Variants in CFAP20DC observed in about 807,000 individuals in gnomAD.
The protein encoded by CFAP20DC is CFAP20 domain containing.
CFAP20DC carries 84 observed loss-of-function variants against 101.7 expected under a neutral mutation model. That is an observed-to-expected ratio of 0.83 (90% CI 0.69 to 0.99). The LOEUF (loss-of-function observed/expected upper bound fraction) is 0.99, where lower values mean the gene tolerates loss of function less well. CFAP20DC is among the 50% of genes least tolerant of loss of function. The pLI, the probability that CFAP20DC is intolerant of heterozygous loss-of-function variation, is 0.00. For synonymous variants in CFAP20DC, 359 were observed against 351.2 expected (o/e 1.02, Z -0.25); for missense variants, 1,007 against 970.3 (o/e 1.04, Z -0.50).
Position 58,788,820 on chromosome 3 carries a change from A to G in CFAP20DC, c.2237+17575T>C, listed in dbSNP as rs77415739. 9.9e-3 allele frequency among the ~76,000 whole-genome samples: 1,505 copies of G among 152,260 alleles called. 24 individuals carry two copies. Among genetic ancestry groups the G allele is most frequent in the African/African-American group, 0.035 (1,455 of 41,560 alleles). On this transcript the variant is annotated intron_variant, in intron 15 of 16. Transcript: ENST00000482387. The surrounding 1 kb of genome is among the most constrained non-coding windows in gnomAD (Gnocchi z 4.2). The stretch of plus-strand genomic sequence containing the variant: ...AAGAGAACTGACCCTACTGGGTTGT[A>G]GCAGGGATTAAATAAACTAGTCATC...
At chr3:58,803,978 A>G (rs1471628972) in intron 15 of CFAP20DC, among the ~76,000 whole-genome samples, 2 of 152,232 alleles carry the variant, frequency 1.3e-5, no homozygotes, top group African/African-American at 4.8e-5. Flanking sequence ...GCATATTACC[A>G]CATCTAGATA....
intron 13 of CFAP20DC, among the ~76,000 whole-genome samples, chr3:58,837,761 G>T (rs998027708): frequency 3.4e-4 from 51 of 152,128 alleles, no homozygotes; most frequent in African/African-American, 1.2e-3. Context: ...TCATTAGAAA[G>T]TTTTGGAAGA....
At chr3:58,786,194 G>A (rs931049153) in intron 15 of CFAP20DC, among the ~76,000 whole-genome samples, 2 of 152,088 alleles carry the variant, frequency 1.3e-5, no homozygotes, top group African/African-American at 4.8e-5. Context: ...ACTCATGGAG[G>A]TTGTAGAAAA....
intron 13 of CFAP20DC, among the ~76,000 whole-genome samples, chr3:58,838,864 C>G (rs972340776): frequency 6.6e-6 from 1 of 152,120 alleles, no homozygotes; most frequent in Non-Finnish European, 1.5e-5. Flanking sequence ...AAAATCTAAT[C>G]GAATAGGTTT....
At chr3:58,820,566 C>T (rs1386890476) in intron 14 of CFAP20DC, among the ~76,000 whole-genome samples, 1 of 151,860 alleles carries the variant, frequency 6.6e-6, no homozygotes, top group African/African-American at 2.4e-5. Context: ...GAAGAAAATA[C>T]CTAGGAATCC....
chr3:58,716,558 C>T (rs1366943572), downstream of CFAP20DC, among the ~76,000 whole-genome samples: 5 of 152,134 alleles, frequency 3.3e-5, no homozygotes, highest in East Asian at 5.8e-4. Flanking sequence ...TCTATTAAGG[C>T]CCAGTAGCAG....
intron 4 of CFAP20DC, among the ~76,000 whole-genome samples, chr3:58,967,183 A>C (rs2091618435): frequency 6.6e-6 from 1 of 152,204 alleles, no homozygotes; most frequent in African/African-American, 2.4e-5. Context: ...AAAAAATTGA[A>C]AGTTTAGAAA....
chr3:58,898,547 T>C (rs745425948), intron 6 of CFAP20DC, among the ~76,000 whole-genome samples: 1 of 152,236 alleles, frequency 6.6e-6, no homozygotes, highest in Non-Finnish European at 1.5e-5. Context: ...TCAGTTACGT[T>C]CTTCTTTAAA....
chr3:58,734,402 G>C (rs1256571795), intron 3 of CFAP20DC: 1 of 367,454 alleles, frequency 2.7e-6, no homozygotes, highest in East Asian at 7.4e-5. Flanking sequence ...TTCCAAACCT[G>C]AAAGTCCTCG....
intron 4 of CFAP20DC, among the ~76,000 whole-genome samples, chr3:58,972,571 G>T (rs567196116): frequency 6.6e-6 from 1 of 152,214 alleles, no homozygotes; most frequent in East Asian, 1.9e-4. Context: ...GTAAATGAAA[G>T]GTGAAATTAG....
At chr3:58,775,114 C>A (rs896033679) in intron 15 of CFAP20DC, among the ~76,000 whole-genome samples, 1 of 152,064 alleles carries the variant, frequency 6.6e-6, no homozygotes, top group Non-Finnish European at 1.5e-5. Flanking sequence ...GGTCGGGGCA[C>A]AGCTTGGTTT....
chr3:58,762,099 T>C (rs994890939), intron 15 of CFAP20DC, among the ~76,000 whole-genome samples: 6 of 152,342 alleles, frequency 3.9e-5, no homozygotes, highest in Admixed American at 2.6e-4. Context: ...GCTTGTTAAC[T>C]TTCTGTCTCA....
chr3:59,008,455 AT>A (rs2093492637), intron 4 of CFAP20DC, among the ~76,000 whole-genome samples: 1 of 152,194 alleles, frequency 6.6e-6, no homozygotes, highest in East Asian at 1.9e-4. Flanking sequence ...TACCTTCGCT[AT>A]TGACTTGAAG....
intron 5 of CFAP20DC, among the ~76,000 whole-genome samples, chr3:58,926,637 T>C (rs1023996054): frequency 3.3e-5 from 5 of 152,196 alleles, no homozygotes; most frequent in South Asian, 2.1e-4. Context: ...TTCTACATCA[T>C]TGGCTCTATG....
chr3:58,743,459 T>C (rs1233604800), intron 16 of CFAP20DC, among the ~76,000 whole-genome samples: 2 of 152,004 alleles, frequency 1.3e-5, no homozygotes, highest in South Asian at 4.1e-4. Context: ...TAGGCTCAGG[T>C]AGAAAGAGGT....
chr3:58,898,450 T>C (rs1042781810), intron 6 of CFAP20DC, among the ~76,000 whole-genome samples: 1 of 152,200 alleles, frequency 6.6e-6, no homozygotes, highest in Non-Finnish European at 1.5e-5. Flanking sequence ...GCTGAGATTA[T>C]AGGTGTTAGC....
At position 58,971,926 on chromosome 3, in the gene CFAP20DC, G is replaced by A. The variant is rs1426550015; in HGVS notation, c.279-34164C>T. ...TCTAGAGGTACTCCCAAAAAATCCT[G>A]CTAAAAACAATTACCTTTGGAAAAT... On this transcript the variant is annotated intron_variant, in intron 4 of 16. Coordinates refer to ENST00000482387, the MANE Select transcript of CFAP20DC (RefSeq NM_001394063.1). This position sits in a 1 kb window ranked among gnomAD's most constrained non-coding sequence, Gnocchi z 4.1. Among the ~76,000 whole-genome samples, 2 of 151,238 alleles carry A rather than the reference G, an allele frequency of 1.3e-5. No homozygotes were observed. Among genetic ancestry groups the A allele is most frequent in the East Asian group, 1.9e-4 (1 of 5,174 alleles).
intron 13 of CFAP20DC, among the ~76,000 whole-genome samples, chr3:58,842,469 C>T (rs1161307294): frequency 2.0e-5 from 3 of 152,248 alleles, no homozygotes; most frequent in Admixed American, 6.5e-5. Flanking sequence ...GCTTAAAAAA[C>T]GGCGCACCAC....
At chr3:58,807,551 C>G (rs904134138) in intron 14 of CFAP20DC, among the ~76,000 whole-genome samples, 1 of 152,154 alleles carries the variant, frequency 6.6e-6, no homozygotes, top group Non-Finnish European at 1.5e-5. Flanking sequence ...GACATCCATA[C>G]CAAAACCCCA....
Sources: allele counts gnomAD v4.1 joint callset (sites outside exome capture counted in the v4.1 genomes callset), GRCh38; gene constraint gnomAD v4.1.1; non-coding constraint Gnocchi (gnomAD v3.1); transcripts MANE v1.5; gene names NCBI Gene and HGNC (gene_info 2026-07-23, HGNC 2026-07-21).